The following DCT variants were observed in gnomAD, a reference collection of about 807,000 sequenced individuals.
DCT encodes L-dopachrome tautomerase.
In DCT, 47 loss-of-function variants were observed where a neutral mutation model predicts 53.0. That is an observed-to-expected ratio of 0.89 (90% CI 0.70 to 1.13). DCT has a LOEUF of 1.13. Among genes scored for constraint, DCT ranks in the 50% most tolerant of loss-of-function variants. DCT has a pLI of 0.00. For synonymous variants in DCT, 244 were observed against 237.0 expected (o/e 1.03, Z -0.27); for missense variants, 669 against 637.4 (o/e 1.05, Z -0.53).
chr13:94,531,344 G>A, the DCT span, among the ~76,000 whole-genome samples: 1 of 152,128 alleles, frequency 6.6e-6, no homozygotes, highest in Non-Finnish European at 1.5e-5. Flanking sequence ...ACAATCCCAA[G>A]CCAAAAGAAC....
the DCT span, among the ~76,000 whole-genome samples, chr13:94,501,632 G>T: frequency 5.0e-4 from 73 of 146,652 alleles, 1 homozygote; most frequent in Admixed American, 4.8e-3. Flanking sequence ...CAAAGACAGA[G>T]ACAGAGAGAG....
intron 6 of DCT, among the ~76,000 whole-genome samples, chr13:94,456,899 G>T (rs1883445628): frequency 6.6e-6 from 1 of 152,238 alleles, no homozygotes; most frequent in African/African-American, 2.4e-5. Context: ...AGAGGCCGAG[G>T]CCCGAGGATC....
At chr13:94,528,911 A>G in the DCT span, among the ~76,000 whole-genome samples, 9 of 152,232 alleles carry the variant, frequency 5.9e-5, no homozygotes, top group African/African-American at 1.9e-4. Context: ...ATGTGCAAAG[A>G]TGCACATAGG....
chr13:94,457,540 G>A (rs1883489793), intron 6 of DCT, among the ~76,000 whole-genome samples: 1 of 152,174 alleles, frequency 6.6e-6, no homozygotes, highest in African/African-American at 2.4e-5. Flanking sequence ...ATGGCAGCCT[G>A]AGCAGACTAA....
chr13:94,548,352 T>C, the DCT span, among the ~76,000 whole-genome samples: 2 of 152,022 alleles, frequency 1.3e-5, no homozygotes, highest in East Asian at 3.9e-4. Flanking sequence ...GAACACACAG[T>C]AGTTCATAAA....
the DCT span, among the ~76,000 whole-genome samples, chr13:94,538,503 C>A: frequency 1.3e-5 from 2 of 152,162 alleles, no homozygotes; most frequent in Admixed American, 6.5e-5. Context: ...TCTCCCCTGC[C>A]TCCTTTTATA....
chr13:94,437,870 C>G lies in DCT; in HGVS notation c.*2028G>C. 1 of 151,998 alleles carries G rather than the reference C, an allele frequency of 6.6e-6. No individual in the cohort carries two copies. The highest frequency in any genetic ancestry group is 1.5e-5 in the Non-Finnish European group (1 of 68,000). The allele number at this position is 151,998 out of a possible 1,614,324, so 9.4% of individuals were successfully genotyped here. A position where few individuals can be genotyped will look rare whatever the true frequency, so the allele number is the denominator to read the frequency against. ...AAACATAATAGTTATAAAAAGTCACCCACACTACAGATAAAAGCAGCTAAG... is the reference window on the plus strand; with the variant it reads ...AAACATAATAGTTATAAAAAGTCACGCACACTACAGATAAAAGCAGCTAAG... On this transcript the variant is annotated 3_prime_UTR_variant, in exon 8 of 8. Transcript: ENST00000377028.
chr13:94,438,608 A>G lies in DCT; in HGVS notation c.*1290T>C. Reference sequence around the variant, plus strand: ...AGAACTTCAGTCTCACTCCTGATGCACAGAAACCAGATATGAGCAGATGAA... The same window carrying G: ...AGAACTTCAGTCTCACTCCTGATGCGCAGAAACCAGATATGAGCAGATGAA... On this transcript the variant is annotated 3_prime_UTR_variant, in exon 8 of 8. Coordinates refer to ENST00000377028, the MANE Select transcript of DCT (RefSeq NM_001922.5). 1 of 455,994 alleles carries G rather than the reference A, an allele frequency of 2.2e-6. No individual in the cohort carries two copies. Among genetic ancestry groups the G allele is most frequent in the Non-Finnish European group, 4.4e-6 (1 of 226,770 alleles). The allele number at this position is 455,994 out of a possible 1,614,324, so 28.2% of individuals were successfully genotyped here.
the DCT span, among the ~76,000 whole-genome samples, chr13:94,534,137 T>C: frequency 1.3e-5 from 2 of 150,980 alleles, no homozygotes; most frequent in Non-Finnish European, 2.9e-5. Flanking sequence ...TATTCATAGG[T>C]ATATAATTAT....
intron 1 of DCT, among the ~76,000 whole-genome samples, chr13:94,472,513 CATACATACATATATATATAT>C (rs1402890529): frequency 1.7e-3 from 62 of 37,506 alleles, no homozygotes; most frequent in African/African-American, 2.4e-3. Context: ...TAAATATATA[CATACATACATATATATATAT>C]ATATATATAT....
the DCT span, among the ~76,000 whole-genome samples, chr13:94,502,458 G>C: frequency 6.6e-6 from 1 of 152,172 alleles, no homozygotes; most frequent in Non-Finnish European, 1.5e-5. Context: ...CTTTGGGAGA[G>C]TGGCCTGAGC....
At chr13:94,469,388 T>C (rs9590017) in intron 1 of DCT, among the ~76,000 whole-genome samples, 10,140 of 152,124 alleles carry the variant, frequency 0.067, 428 homozygotes, top group African/African-American at 0.11. Context: ...TAAGGGTAAA[T>C]GAGGTAATTA....
the DCT span, among the ~76,000 whole-genome samples, chr13:94,508,607 T>A: frequency 6.6e-6 from 1 of 152,158 alleles, no homozygotes; most frequent in Non-Finnish European, 1.5e-5. Flanking sequence ...AGTTTCCAAT[T>A]GGAGGAGAAA....
At chr13:94,522,827 T>C in the DCT span, among the ~76,000 whole-genome samples, 3 of 152,222 alleles carry the variant, frequency 2.0e-5, no homozygotes, top group Admixed American at 6.5e-5. Context: ...TATAGCCATA[T>C]AGTTACTGGC....
Position 94,479,269 on chromosome 13 carries a change from G to A in DCT, c.-14C>T. 6.5e-7 allele frequency: 1 copy of A among 1,550,106 alleles called. No individual in the cohort carries two copies. The highest frequency in any genetic ancestry group is 1.2e-5 in the South Asian group (1 of 82,122). ...AAGGGGGCTCATGGCTTTATAATTG[G>A]GAGAGCTCTCTCTCTCTCTTACTTT... is the stretch of plus-strand genomic sequence containing the variant. On this transcript the variant is annotated 5_prime_UTR_variant, in exon 1 of 8. Transcript: ENST00000377028.
At chr13:94,497,769 G>A in the DCT span, among the ~76,000 whole-genome samples, 1 of 152,090 alleles carries the variant, frequency 6.6e-6, no homozygotes, top group Non-Finnish European at 1.5e-5. Flanking sequence ...GGGGATGGAA[G>A]GGGAGGCAGG....
the DCT span, among the ~76,000 whole-genome samples, chr13:94,500,001 C>CT: frequency 2.2e-3 from 338 of 152,114 alleles, 1 homozygote; most frequent in Non-Finnish European, 4.2e-3. Context: ...ATATAGTTAC[C>CT]TTTTTTGTGT....
chr13:94,475,408 G>A (rs1054420385), intron 1 of DCT, among the ~76,000 whole-genome samples: 2 of 152,178 alleles, frequency 1.3e-5, no homozygotes, highest in Non-Finnish European at 2.9e-5. Flanking sequence ...AGACATTTGT[G>A]CTAAGTGAAA....
At chr13:94,452,125 C>T (rs751959675) in intron 6 of DCT, among the ~76,000 whole-genome samples, 7 of 152,050 alleles carry the variant, frequency 4.6e-5, no homozygotes, top group Non-Finnish European at 1.0e-4. Flanking sequence ...CTCCACCTCC[C>T]GGGTTCAAGT....
Sources: gnomAD v4.1 joint callset for allele counts (sites outside exome capture counted in the v4.1 genomes callset) on GRCh38, gnomAD v4.1.1 for gene constraint, MANE v1.5 for transcripts, NCBI Gene and HGNC (gene_info 2026-07-23, HGNC 2026-07-21) for gene names.